Variants in TNRC18 observed in about 807,000 individuals in gnomAD.
TNRC18 encodes the protein trinucleotide repeat-containing gene 18 protein.
TNRC18 carries 69 observed loss-of-function variants against 226.7 expected under a neutral mutation model. The ratio of observed to expected loss-of-function variants is 0.30; its 90% CI spans 0.25 to 0.37. TNRC18 has a LOEUF of 0.37. TNRC18 is among the 10% of genes least tolerant of loss of function. TNRC18 has a pLI of 1.00. For missense variants in TNRC18, 4,754 were observed against 4,256.6 expected, an observed-to-expected ratio of 1.12 and a Z score of -3.25; for synonymous variants, 2,449 against 1,927.6, an observed-to-expected ratio of 1.27 and a Z score of -7.09.
chr7:5,325,394 T>G, intron 19 of TNRC18, 146 bp from the exon 20 acceptor site: 2 of 835,610 alleles, frequency 2.4e-6, no homozygotes, highest in Non-Finnish European at 3.6e-6. Context: ...TTCTCTCTCT[T>G]CCTGCAAGCG....
Position 5,352,039 on chromosome 7 carries a change from G to C in TNRC18, c.5250C>G (p.Gly1750=). The change falls in exon 17 of 30, where the codon GGC becomes GGG. Residue 1750 remains glycine (G), a synonymous_variant. Coordinates refer to ENST00000430969, the MANE Select transcript of TNRC18 (RefSeq NM_001080495.3). The part of the protein sequence containing the change: ...EFLKDEWPAQ[G]PSSSKLTPSL... ...AAGGCGTCAGTTTGGAGCTGGAGGG[G>C]CCTTGGGCGGGCCACTCGTCCTTCA... The C allele has an allele frequency of 3.1e-6, 5 of 1,613,676 alleles. No individual in the cohort carries two copies. Among genetic ancestry groups the C allele is most frequent in the Non-Finnish European group, 4.2e-6 (5 of 1,179,756 alleles).
intron 9 of TNRC18, among the ~76,000 whole-genome samples, chr7:5,375,604 T>G (rs1325214658): frequency 5.3e-5 from 8 of 152,044 alleles, no homozygotes; most frequent in Admixed American, 5.2e-4. Flanking sequence ...GTCCCCTATC[T>G]TATGGGACCA....
At position 5,313,754 on chromosome 7, in the gene TNRC18, A is replaced by G. The variant is rs763573806; in HGVS notation, c.7137T>C (p.Pro2379=). Residue 2379 remains proline, a synonymous_variant, in exon 27 of 30, where the codon CCT becomes CCC. Transcript: ENST00000430969. ...TPGSKKSPPE[P]VDKRAKAPKA... ...TGGGGGCCTTGGCTCGCTTGTCCACAGGCTCTGGGGGGCTCTTCTTGGAAC... is the reference window on the plus strand; with the variant it reads ...TGGGGGCCTTGGCTCGCTTGTCCACGGGCTCTGGGGGGCTCTTCTTGGAAC... The G allele has an allele frequency of 1.3e-5, 20 of 1,566,568 alleles. 1 individual carries two copies. Among genetic ancestry groups the G allele is most frequent in the Non-Finnish European group, 1.7e-5 (20 of 1,156,032 alleles).
intron 19 of TNRC18, among the ~76,000 whole-genome samples, chr7:5,331,776 G>A (rs1412121246): frequency 1.3e-5 from 2 of 152,142 alleles, no homozygotes; most frequent in Non-Finnish European, 2.9e-5. Context: ...TGGGCACGGT[G>A]GTATGCACCT....
At chr7:5,397,339 G>A (rs1036520144) in intron 2 of TNRC18, among the ~76,000 whole-genome samples, 16 of 152,312 alleles carry the variant, frequency 1.1e-4, no homozygotes, top group African/African-American at 2.6e-4. Flanking sequence ...CAGGCTGCAC[G>A]GAAGCCTAAT....
At chr7:5,326,751 G>A (rs1331736232) in intron 19 of TNRC18, among the ~76,000 whole-genome samples, 1 of 151,374 alleles carries the variant, frequency 6.6e-6, no homozygotes, top group Non-Finnish European at 1.5e-5. Context: ...AGGTTGCAGT[G>A]AGCCGAGATC....
chr7:5,346,300 G>A (rs1477610260), intron 17 of TNRC18, among the ~76,000 whole-genome samples: 1 of 152,198 alleles, frequency 6.6e-6, no homozygotes, highest in African/African-American at 2.4e-5. Flanking sequence ...GCTGAGTCCT[G>A]AGGGCTGGCG....
intron 5 of TNRC18, among the ~76,000 whole-genome samples, chr7:5,386,362 A>G (rs1779790911): frequency 6.6e-6 from 1 of 152,048 alleles, no homozygotes; most frequent in African/African-American, 2.4e-5. Context: ...GGATCATCTG[A>G]GGTCAGAAGT....
At chr7:5,327,996 C>T (rs574789021) in intron 19 of TNRC18, among the ~76,000 whole-genome samples, 1 of 150,948 alleles carries the variant, frequency 6.6e-6, no homozygotes, top group Non-Finnish European at 1.5e-5. Flanking sequence ...CCAAGGCAGG[C>T]GGATCACTTG....
In TNRC18 at chr7:5,421,081, G is replaced by T; in HGVS notation, c.166C>A (p.Leu56Met). 2 of 1,506,358 alleles carry T rather than the reference G, an allele frequency of 1.3e-6. No individual in the cohort carries two copies. The highest frequency in any genetic ancestry group is 2.1e-5 in the Admixed American group (1 of 48,548). 93.3% of individuals were successfully genotyped at this position (1,506,358 alleles called of 1,614,324 possible). A position where few individuals can be genotyped will look rare whatever the true frequency, so the allele number is the denominator to read the frequency against. Residue 56 changes from leucine to methionine, a missense_variant, in exon 2 of 30, where the codon CTG becomes ATG. Transcript: ENST00000430969. ...TTACCCGGGTGCGGATGGAGATTCAGGCCGGCCATGTACTTCCCGGGCGGC... is the reference window on the plus strand; with the variant it reads ...TTACCCGGGTGCGGATGGAGATTCATGCCGGCCATGTACTTCCCGGGCGGC... ...PLPPGKYMAG[L>M]NLHPHPGEAF...
intron 18 of TNRC18, among the ~76,000 whole-genome samples, chr7:5,338,442 A>G (rs2128132888): frequency 6.6e-6 from 1 of 152,014 alleles, no homozygotes; most frequent in East Asian, 1.9e-4. Flanking sequence ...AACAAAGAAG[A>G]ACATTCTAAA....
Position 5,309,431 on chromosome 7 carries a change from C to T in TNRC18, c.8389-63G>A. On this transcript the variant is annotated intron_variant, in intron 27 of 29. Transcript: ENST00000430969. The surrounding 1 kb of genome is among the most constrained non-coding windows in gnomAD (Gnocchi z 5.7). Reference sequence around the variant, plus strand: ...CAGCCCCAAGGAGCCCGCCGCCTGGCAGGCTCTGCCGCTTGGGACTCTGGG... The same window carrying T: ...CAGCCCCAAGGAGCCCGCCGCCTGGTAGGCTCTGCCGCTTGGGACTCTGGG... 6.8e-7 allele frequency: 1 copy of T among 1,463,028 alleles called. No individual in the cohort carries two copies. The highest frequency in any genetic ancestry group is 9.3e-7 in the Non-Finnish European group (1 of 1,080,366). 90.6% of individuals were successfully genotyped at this position (1,463,028 alleles called of 1,614,324 possible). A position where few individuals can be genotyped will look rare whatever the true frequency, so the allele number is the denominator to read the frequency against.
chr7:5,423,269 G>A (rs1208959547), intron 1 of TNRC18, 172 bp downstream of exon 1: 3 of 150,206 alleles, frequency 2.0e-5, no homozygotes, highest in Non-Finnish European at 4.5e-5. Context: ...CACCCCTCCC[G>A]GGGCGCCCCC....
At chr7:5,317,977 C>G (rs1172432280) in intron 24 of TNRC18, among the ~76,000 whole-genome samples, 2 of 151,808 alleles carry the variant, frequency 1.3e-5, no homozygotes, top group Non-Finnish European at 2.9e-5. Context: ...TCAGGTGATT[C>G]TTTCCTGCCT....
intron 5 of TNRC18, among the ~76,000 whole-genome samples, chr7:5,381,545 T>C (rs563141822): frequency 1.3e-5 from 2 of 152,218 alleles, no homozygotes; most frequent in African/African-American, 4.8e-5. Context: ...GATCATTCAC[T>C]GTCTGTGTCC....
In TNRC18 at chr7:5,409,151, C is replaced by G. The variant is rs146924112; in HGVS notation, c.187+11909G>C. On this transcript the variant is annotated intron_variant, in intron 2 of 29. Coordinates refer to ENST00000430969, the MANE Select transcript of TNRC18 (RefSeq NM_001080495.3). ...CCCCACCCTTACATCTGAATCCCAT[C>G]TGCTTTTTCTTAAAGAAGGGGCACC... 1.9e-4 allele frequency among the ~76,000 whole-genome samples: 20 copies of G among 107,052 alleles called. No individual in the cohort carries two copies. The East Asian group carries it at 8.5e-3, about 46-fold the overall frequency. 70.2% of individuals were successfully genotyped at this position (107,052 alleles called of 152,430 possible). A position where few individuals can be genotyped will look rare whatever the true frequency, so the allele number is the denominator to read the frequency against.
intron 10 of TNRC18, among the ~76,000 whole-genome samples, chr7:5,373,209 A>G (rs370827296): frequency 1.3e-3 from 204 of 152,216 alleles, no homozygotes; most frequent in African/African-American, 4.6e-3. Flanking sequence ...CTATGGTCCC[A>G]GCTGCTTGAG....
rs1190028644 is a variant in TNRC18, at chr7:5,376,945, G to C, written c.2510C>G (p.Pro837Arg). Residue 837 changes from proline to arginine, a missense_variant, in exon 8 of 30, where the codon CCT (proline) becomes CGT (arginine). Transcript: ENST00000430969. ...LHQGMAPAFPPGLGGSLPSAY... is the reference protein window; with the variant it reads ...LHQGMAPAFPRGLGGSLPSAY... ...TGACGGGAGGGAGCCCCCCAGGCCA[G>C]GTGGGAACGCAGGGGCCATGCCCTG... 3 of 1,594,962 alleles carry C rather than the reference G, an allele frequency of 1.9e-6. No individual in the cohort carries two copies. Among genetic ancestry groups the C allele is most frequent in the South Asian group, 1.1e-5 (1 of 87,972 alleles).
rs1781938788 is a variant in TNRC18, at chr7:5,412,992, C to G, written c.187+8068G>C. 2.6e-5 allele frequency among the ~76,000 whole-genome samples: 4 copies of G among 152,340 alleles called. No homozygotes were observed. In the South Asian group the frequency reaches 8.3e-4, roughly 32 times the overall value. Reference sequence around the variant, plus strand: ...TCCCACCTAGTGGCCTAGACTTCCTCCCAAGTCACATGCCAGGCCTCTGTG... The same window carrying G: ...TCCCACCTAGTGGCCTAGACTTCCTGCCAAGTCACATGCCAGGCCTCTGTG... On this transcript the variant is annotated intron_variant, in intron 2 of 29. Coordinates refer to ENST00000430969, the MANE Select transcript of TNRC18 (RefSeq NM_001080495.3).
Sources: gnomAD v4.1 joint callset for allele counts (sites outside exome capture counted in the v4.1 genomes callset) on GRCh38, gnomAD v4.1.1 for gene constraint, Gnocchi (gnomAD v3.1) non-coding constraint, MANE v1.5 for transcripts, NCBI Gene and HGNC (gene_info 2026-07-23, HGNC 2026-07-21) for gene names.